Variants in TACR3 observed in about 807,000 individuals in gnomAD.
The protein encoded by TACR3 is neuromedin-K receptor.
TACR3 carries 34 observed loss-of-function variants against 35.0 expected under a neutral mutation model. The ratio of observed to expected loss-of-function variants is 0.97; its 90% confidence interval spans 0.74 to 1.30. The LOEUF (loss-of-function observed/expected upper bound fraction) is 1.30, where lower values mean the gene tolerates loss of function less well. Ranked by LOEUF, TACR3 falls within the 50% of genes most tolerant of loss-of-function variation. The pLI is 0.00. For synonymous variants in TACR3, 233 were observed against 221.1 expected, an observed-to-expected ratio of 1.05 and a Z score of -0.48; for missense variants, 558 against 591.7, an observed-to-expected ratio of 0.94 and a Z score of 0.59.
At chr4:103,615,134 G>T (rs1724616324) in intron 3 of TACR3, among the ~76,000 whole-genome samples, 1 of 151,844 alleles carries the variant, frequency 6.6e-6, no homozygotes, top group African/African-American at 2.4e-5. Flanking sequence ...CTGACCTCGT[G>T]ATCCGCCCAC....
chr4:103,606,531 G>A (rs1254816111), intron 3 of TACR3, among the ~76,000 whole-genome samples: 4 of 152,000 alleles, frequency 2.6e-5, no homozygotes, highest in Non-Finnish European at 4.4e-5. Context: ...TCCTTGAAGA[G>A]CTCCTTCATA....
At chr4:103,701,004 T>A (rs1448725954) in intron 1 of TACR3, among the ~76,000 whole-genome samples, 1 of 152,160 alleles carries the variant, frequency 6.6e-6, no homozygotes, top group Non-Finnish European at 1.5e-5. Flanking sequence ...AGGGATGCCC[T>A]CTCTCAACAC....
chr4:103,616,298 G>GTGTA (rs1724657516), intron 3 of TACR3, among the ~76,000 whole-genome samples: 1 of 102,470 alleles, frequency 9.8e-6, no homozygotes, highest in Non-Finnish European at 2.0e-5. Context: ...GAGTACATAC[G>GTGTA]TGTATGTGTG....
At chr4:103,687,336 C>G (rs528768958) in intron 1 of TACR3, among the ~76,000 whole-genome samples, 2 of 152,040 alleles carry the variant, frequency 1.3e-5, no homozygotes, top group Non-Finnish European at 2.9e-5. Flanking sequence ...AAAACTGGCA[C>G]AAGACAGGGA....
At chr4:103,633,622 T>C (rs1725117144) in intron 3 of TACR3, among the ~76,000 whole-genome samples, 1 of 152,138 alleles carries the variant, frequency 6.6e-6, no homozygotes, top group Non-Finnish European at 1.5e-5. Context: ...CTTTGTGTCC[T>C]CATAGCTTAG....
At chr4:103,656,378 C>G (rs370674323) in intron 2 of TACR3, 34 bp from the exon 3 acceptor site, 1 of 1,603,632 alleles carries the variant, frequency 6.2e-7, no homozygotes, top group East Asian at 2.2e-5. Flanking sequence ...TGCTGAAGAC[C>G]TTATTGGAAT....
intron 3 of TACR3, among the ~76,000 whole-genome samples, chr4:103,637,509 T>C (rs531475289): frequency 4.6e-5 from 7 of 152,234 alleles, no homozygotes; most frequent in Admixed American, 1.3e-4. Context: ...ACTGGAAGCA[T>C]TCCCTTTGAA....
chr4:103,718,262 T>TC (rs543211767), intron 1 of TACR3, among the ~76,000 whole-genome samples: 2 of 152,118 alleles, frequency 1.3e-5, no homozygotes, highest in Non-Finnish European at 2.9e-5. Context: ...CCCTCATGTA[T>TC]CCCCCATGCA....
chr4:103,719,831 G>T lies in TACR3; in HGVS notation c.-156C>A. The T allele has an allele frequency of 3.0e-6, 3 of 989,164 alleles. No homozygotes were observed. The highest frequency in any genetic ancestry group is 4.5e-6 in the Non-Finnish European group (3 of 672,156). 61.3% of individuals were successfully genotyped at this position (989,164 alleles called of 1,614,324 possible). On this transcript the variant is annotated 5_prime_UTR_variant, in exon 1 of 5. Coordinates refer to ENST00000304883, the MANE Select transcript of TACR3 (RefSeq NM_001059.3). ...GATACTGCAATCCCTGCTGGTTAGG[G>T]GATGCAGCTGGGGCTAAGGGGCAAC...
At chr4:103,716,912 A>C (rs1451176069) in intron 1 of TACR3, among the ~76,000 whole-genome samples, 1 of 152,218 alleles carries the variant, frequency 6.6e-6, no homozygotes, top group South Asian at 2.1e-4. Context: ...TAAATGAGTC[A>C]GTAAGTCCAT....
At position 103,591,393 on chromosome 4, in the gene TACR3, T is replaced by C. The variant is rs1723889568; in HGVS notation, c.1085+94A>G. 1.8e-5 allele frequency: 27 copies of C among 1,488,120 alleles called. No individual in the cohort carries two copies. In the South Asian group the frequency reaches 3.1e-4, roughly 17 times the overall value. 92.2% of individuals were successfully genotyped at this position (1,488,120 alleles called of 1,614,324 possible). A position where few individuals can be genotyped will look rare whatever the true frequency, so the allele number is the denominator to read the frequency against. On this transcript the variant is annotated intron_variant, in intron 4 of 4. Coordinates refer to ENST00000304883, the MANE Select transcript of TACR3 (RefSeq NM_001059.3). ...TCTTAAATTTTCCCTTCCTTCTGCA[T>C]TTTGAATTTGAACCAAGAAAATGGA...
intron 3 of TACR3, among the ~76,000 whole-genome samples, chr4:103,607,390 G>A (rs72670892): frequency 2.1e-3 from 320 of 152,004 alleles, no homozygotes; most frequent in Non-Finnish European, 3.2e-3. Context: ...GAAGCATTAT[G>A]TATTTATTTT....
chr4:103,610,078 T>C (rs1724478445), intron 3 of TACR3, among the ~76,000 whole-genome samples: 1 of 152,132 alleles, frequency 6.6e-6, no homozygotes, highest in African/African-American at 2.4e-5. Flanking sequence ...GCAATAAATA[T>C]AGGAGTGCAG....
At chr4:103,652,247 T>C (rs1472098888) in intron 3 of TACR3, among the ~76,000 whole-genome samples, 10 of 152,178 alleles carry the variant, frequency 6.6e-5, no homozygotes, top group Admixed American at 6.5e-4. Flanking sequence ...TGGTGAGGCG[T>C]GGGAGAACTC....
intron 3 of TACR3, among the ~76,000 whole-genome samples, chr4:103,595,746 ATTATT>A (rs749049205): frequency 1.4e-4 from 22 of 151,730 alleles, no homozygotes; most frequent in African/African-American, 2.2e-4. Context: ...TTATCTTCTA[ATTATT>A]TTATTTTTAT....
intron 3 of TACR3, among the ~76,000 whole-genome samples, chr4:103,610,736 T>G (rs1162775405): frequency 1.3e-5 from 2 of 152,150 alleles, no homozygotes; most frequent in Non-Finnish European, 2.9e-5. Context: ...CCCCATAAAT[T>G]TGTCTAGTAG....
At chr4:103,606,249 C>T (rs1035470825) in intron 3 of TACR3, among the ~76,000 whole-genome samples, 22 of 151,856 alleles carry the variant, frequency 1.4e-4, no homozygotes, top group African/African-American at 4.6e-4. Context: ...AGTTTGAAGT[C>T]AGGTAGTGTG....
At position 103,587,600 on chromosome 4, in the gene TACR3, C is replaced by T. The variant is rs1361340326; in HGVS notation, c.*2082G>A. On this transcript the variant is annotated 3_prime_UTR_variant, in exon 5 of 5. Transcript: ENST00000304883. ...ATGATACTTTGGTAGTGGCTGATGA[C>T]ATTAAATTTGAGGGCTAAACTTCAT... The T allele has an allele frequency of 6.6e-6, 1 of 151,958 alleles. No homozygotes were observed. Among genetic ancestry groups the T allele is most frequent in the Non-Finnish European group, 1.5e-5 (1 of 67,986 alleles). 9.4% of individuals were successfully genotyped at this position (151,958 alleles called of 1,614,324 possible). A position where few individuals can be genotyped will look rare whatever the true frequency, so the allele number is the denominator to read the frequency against.
chr4:103,712,205 A>G (rs1722981243), intron 1 of TACR3, among the ~76,000 whole-genome samples: 1 of 152,262 alleles, frequency 6.6e-6, no homozygotes. Flanking sequence ...CTTAGCCAAA[A>G]GAACAAAGCT....
Sources: allele counts gnomAD v4.1 joint callset (sites outside exome capture counted in the v4.1 genomes callset), GRCh38; gene constraint gnomAD v4.1.1; transcripts MANE v1.5; gene names NCBI Gene and HGNC (gene_info 2026-07-23, HGNC 2026-07-21).